Variants in TAFA1 observed in about 807,000 individuals in gnomAD.
TAFA1 encodes the protein TAFA chemokine like family member 1.
TAFA1 carries 4 observed loss-of-function variants against 18.5 expected under a neutral mutation model. That is an observed-to-expected ratio of 0.22 (90% CI 0.11 to 0.49). The LOEUF (loss-of-function observed/expected upper bound fraction) is 0.49. Ranked by LOEUF, TAFA1 falls within the 20% of genes least tolerant of loss-of-function variation. TAFA1 has a pLI of 0.98. For missense variants in TAFA1, 147 were observed against 169.0 expected (o/e 0.87, Z 0.72); for synonymous variants, 56 against 55.2 (o/e 1.01, Z -0.06).
rs34030223 is a variant in TAFA1, at chr3:68,498,722, CTTTTTTTTTTTT to C, written c.260-40010_260-39999del. 1.6e-3 allele frequency among the ~76,000 whole-genome samples: 153 copies of C among 97,010 alleles called. 1 individual carries two copies. The highest frequency in any genetic ancestry group is 6.8e-3 in the African/African-American group (142 of 20,870). The allele number at this position is 97,010 out of a possible 152,430, so 63.6% of individuals were successfully genotyped here. Reference sequence around the variant, plus strand: ...AATTCCTCCCAAAGCCGTTTGGTGGCTTTTTTTTTTTTTTTTTTTTTTTTTTTTTTTTTTTGA... The same window carrying C: ...AATTCCTCCCAAAGCCGTTTGGTGGCTTTTTTTTTTTTTTTTTTTTTTTGA... On this transcript the variant is annotated intron_variant, in intron 3 of 4. Coordinates refer to ENST00000478136, the MANE Select transcript of TAFA1 (RefSeq NM_213609.4).
rs184127943 is a variant in TAFA1, at chr3:68,323,272, A to G, written c.119-94008A>G. On this transcript the variant is annotated intron_variant, in intron 2 of 4. Coordinates refer to ENST00000478136, the MANE Select transcript of TAFA1 (RefSeq NM_213609.4). ...TCAGGATTTATGCAGCCACCTGTACAATACATTAGCTGCCACCTGCAGACC... is the reference window on the plus strand; with the variant it reads ...TCAGGATTTATGCAGCCACCTGTACGATACATTAGCTGCCACCTGCAGACC... Among the ~76,000 whole-genome samples, 32 of 152,282 alleles carry G rather than the reference A, an allele frequency of 2.1e-4. No individual in the cohort carries two copies. In the East Asian group the frequency reaches 4.1e-3, roughly 19 times the overall value.
At chr3:68,210,529 T>C (rs146805668) in intron 2 of TAFA1, among the ~76,000 whole-genome samples, 117 of 152,152 alleles carry the variant, frequency 7.7e-4, no homozygotes, top group African/African-American at 2.7e-3. Context: ...TACCCTTCAG[T>C]CTAGCATAAT....
At chr3:68,502,137 T>C (rs1183301511) in intron 3 of TAFA1, among the ~76,000 whole-genome samples, 2 of 152,170 alleles carry the variant, frequency 1.3e-5, no homozygotes, top group Non-Finnish European at 2.9e-5. Flanking sequence ...TATAATACTA[T>C]TTTTGCTCTC....
chr3:68,245,943 A>G (rs1392206630), intron 2 of TAFA1, among the ~76,000 whole-genome samples: 6 of 152,346 alleles, frequency 3.9e-5, no homozygotes, highest in Middle Eastern at 6.8e-3. Flanking sequence ...CGGGTATGGT[A>G]TAAGACACAG....
At chr3:68,517,280 G>T (rs368530214) in intron 3 of TAFA1, among the ~76,000 whole-genome samples, 2 of 152,072 alleles carry the variant, frequency 1.3e-5, no homozygotes, top group East Asian at 1.9e-4. Context: ...TATATTGACC[G>T]CAGAGAATGT....
At chr3:68,336,369 A>G (rs1017412657) in intron 2 of TAFA1, among the ~76,000 whole-genome samples, 1 of 152,130 alleles carries the variant, frequency 6.6e-6, no homozygotes, top group Non-Finnish European at 1.5e-5. Flanking sequence ...GACTTTTCTG[A>G]TACTACTTAC....
chr3:68,041,315 C>T (rs578221090), intron 2 of TAFA1, among the ~76,000 whole-genome samples: 16 of 152,242 alleles, frequency 1.1e-4, no homozygotes, highest in African/African-American at 3.9e-4. Flanking sequence ...ATTTGGGTTA[C>T]CAAAATTCAG....
intron 2 of TAFA1, among the ~76,000 whole-genome samples, chr3:68,222,654 G>A (rs936098204): frequency 1.3e-5 from 2 of 151,816 alleles, no homozygotes; most frequent in Non-Finnish European, 2.9e-5. Flanking sequence ...TTTTGGGGAG[G>A]GTGGAGAGTA....
At chr3:68,135,784 T>C (rs1176901368) in intron 2 of TAFA1, among the ~76,000 whole-genome samples, 2 of 152,236 alleles carry the variant, frequency 1.3e-5, no homozygotes, top group Non-Finnish European at 2.9e-5. Flanking sequence ...TTTTCATTTG[T>C]TTTAATTTAT....
chr3:68,340,767 T>G (rs1295236075), intron 2 of TAFA1, among the ~76,000 whole-genome samples: 1 of 152,210 alleles, frequency 6.6e-6, no homozygotes, highest in Non-Finnish European at 1.5e-5. Context: ...ACATGCCCTG[T>G]CTTACATGTT....
chr3:68,219,654 C>T (rs1289352432), intron 2 of TAFA1, among the ~76,000 whole-genome samples: 1 of 152,100 alleles, frequency 6.6e-6, no homozygotes, highest in East Asian at 1.9e-4. Flanking sequence ...TGATGCTTCA[C>T]CTTTTAAACA....
At chr3:68,492,239 C>T (rs762162812) in intron 3 of TAFA1, among the ~76,000 whole-genome samples, 2 of 152,134 alleles carry the variant, frequency 1.3e-5, no homozygotes, top group African/African-American at 4.8e-5. Flanking sequence ...CTCCCTTTCC[C>T]ACTGTGATTA....
intron 2 of TAFA1, among the ~76,000 whole-genome samples, chr3:68,321,053 G>A (rs1575775274): frequency 6.6e-6 from 1 of 152,196 alleles, no homozygotes; most frequent in Admixed American, 6.5e-5. Flanking sequence ...TGGACTGTCA[G>A]GGTTGAAATC....
chr3:68,248,167 A>G (rs566900217), intron 2 of TAFA1, among the ~76,000 whole-genome samples: 43 of 151,964 alleles, frequency 2.8e-4, no homozygotes, highest in Non-Finnish European at 3.4e-4. Context: ...ATTAAAACCA[A>G]AAAAGCTAAA....
At chr3:68,042,293 A>T (rs182514851) in intron 2 of TAFA1, among the ~76,000 whole-genome samples, 3 of 152,330 alleles carry the variant, frequency 2.0e-5, no homozygotes, top group Admixed American at 6.5e-5. Context: ...TTGTCTAGTG[A>T]TTACATCCTT....
chr3:68,309,834 C>T (rs1057260197), intron 2 of TAFA1, among the ~76,000 whole-genome samples: 5 of 152,200 alleles, frequency 3.3e-5, no homozygotes, highest in East Asian at 1.9e-4. Flanking sequence ...TCATACTTCA[C>T]TTCCTTGGTG....
At chr3:68,126,823 T>G (rs752120425) in intron 2 of TAFA1, among the ~76,000 whole-genome samples, 9 of 152,210 alleles carry the variant, frequency 5.9e-5, no homozygotes, top group Non-Finnish European at 1.3e-4. Context: ...TAGGCTGACT[T>G]GAGAATGTGG....
intron 2 of TAFA1, among the ~76,000 whole-genome samples, chr3:68,190,433 T>C (rs1327256984): frequency 6.6e-6 from 1 of 151,918 alleles, no homozygotes; most frequent in Non-Finnish European, 1.5e-5. Context: ...ATTTGTTTTC[T>C]GAATACAAAA....
chr3:68,214,901 G>A (rs971368943), intron 2 of TAFA1, among the ~76,000 whole-genome samples: 1 of 151,970 alleles, frequency 6.6e-6, no homozygotes, highest in Non-Finnish European at 1.5e-5. Flanking sequence ...TGAGTGGGGA[G>A]TTCCCCACAA....
Sources: allele counts gnomAD v4.1 joint callset (sites outside exome capture counted in the v4.1 genomes callset), GRCh38; gene constraint gnomAD v4.1.1; transcripts MANE v1.5; gene names NCBI Gene and HGNC (gene_info 2026-07-23, HGNC 2026-07-21).